The following DCAF13 variants were observed in gnomAD, a reference collection of about 807,000 sequenced individuals.
The protein encoded by DCAF13 is DDB1 and CUL4 associated factor 13.
A neutral mutation model predicts 59.0 loss-of-function variants in DCAF13; 38 were observed. The observed-to-expected ratio is 0.64, with a 90% CI of 0.50 to 0.84. The LOEUF (loss-of-function observed/expected upper bound fraction) is 0.84. Ranked by LOEUF, DCAF13 falls within the 40% of genes least tolerant of loss-of-function variation. The pLI, the probability that DCAF13 is intolerant of heterozygous loss-of-function variation, is 0.00. For missense variants in DCAF13, 469 were observed against 558.4 expected (o/e 0.84, Z 1.61); for synonymous variants, 173 against 175.0 (o/e 0.99, Z 0.09).
chr8:103,423,771 C>T (rs1009251590), intron 3 of DCAF13, among the ~76,000 whole-genome samples: 1 of 152,132 alleles, frequency 6.6e-6, no homozygotes, highest in African/African-American at 2.4e-5. Context: ...CAATGTTGTA[C>T]ATCATAAATA....
At chr8:103,429,844 C>T (rs1351449403) in intron 5 of DCAF13, 1 of 152,098 alleles carries the variant, frequency 6.6e-6, no homozygotes, top group African/African-American at 2.4e-5. Context: ...TATACTGGTA[C>T]AGCTCTTTGG....
chr8:103,439,005 G>T (rs1816969490), intron 8 of DCAF13, among the ~76,000 whole-genome samples: 1 of 152,008 alleles, frequency 6.6e-6, no homozygotes, highest in South Asian at 2.1e-4. Flanking sequence ...TTTATTAAAT[G>T]ATTCTTTTTT....
At chr8:103,427,484 C>T (rs1816810385) in intron 5 of DCAF13, 3 of 490,034 alleles carry the variant, frequency 6.1e-6, no homozygotes, top group Non-Finnish European at 1.1e-5. Context: ...GTGGTGTGTG[C>T]ATTTGCCCAT....
chr8:103,431,597 G>A lies in DCAF13; in HGVS notation c.702+908G>A, dbSNP rs144637688. Among the ~76,000 whole-genome samples the A allele has an allele frequency of 9.5e-4, 144 of 152,170 alleles. 1 individual carries two copies. Among genetic ancestry groups the A allele is most frequent in the African/African-American group, 3.2e-3 (134 of 41,524 alleles). On this transcript the variant is annotated intron_variant, in intron 6 of 10. Transcript: ENST00000612750. Reference sequence around the variant, plus strand: ...AATGGGAAGATCCTATATGAACTTTGGTCTTAGACTTTTAAGCACGTTAAC... The same window carrying A: ...AATGGGAAGATCCTATATGAACTTTAGTCTTAGACTTTTAAGCACGTTAAC...
Position 103,442,824 on chromosome 8 carries a change from C to T in DCAF13, c.1280C>T (p.Pro427Leu). ...GTGAATCGTATTAAACACAGCAAGC[C>T]TGGATCTGTGCCACTTGTGTCAGAG... ...KEVNRIKHSK[P>L]GSVPLVSEKK... The change falls in exon 11 of 11, where the codon CCT becomes CTT. Residue 427 changes from proline (P) to leucine (L), a missense_variant. This residue lies in a region of DCAF13 where 84 missense variants were observed against 92.3 expected (regional missense o/e 0.91). Coordinates refer to ENST00000612750, the MANE Select transcript of DCAF13 (RefSeq NM_015420.7). 1 of 1,606,524 alleles carries T rather than the reference C, an allele frequency of 6.2e-7. No homozygotes were observed. The highest frequency in any genetic ancestry group is 8.5e-7 in the Non-Finnish European group (1 of 1,177,614).
At chr8:103,417,899 C>G (rs1315175584) in intron 1 of DCAF13, among the ~76,000 whole-genome samples, 1 of 152,026 alleles carries the variant, frequency 6.6e-6, no homozygotes, top group Non-Finnish European at 1.5e-5. Context: ...GCGGGAAGAT[C>G]ACGAGGTCAG....
chr8:103,429,554 T>C (rs1051302862), intron 5 of DCAF13: 2 of 152,172 alleles, frequency 1.3e-5, no homozygotes, highest in African/African-American at 4.8e-5. Flanking sequence ...CACTGGATGA[T>C]AGAGGGCTTA....
intron 3 of DCAF13, chr8:103,421,344 A>G: frequency 1.8e-6 from 1 of 543,300 alleles, no homozygotes; most frequent in Non-Finnish European, 3.3e-6. Flanking sequence ...AGTTTGGCTT[A>G]CTCTGGAGGA....
At chr8:103,425,930 G>A (rs1816786590) in intron 3 of DCAF13, 126 bp from the exon 4 acceptor site, 4 of 688,482 alleles carry the variant, frequency 5.8e-6, no homozygotes, top group African/African-American at 1.8e-5. Context: ...GGATCAATAA[G>A]TGTAATACTG....
Position 103,425,020 on chromosome 8 carries a change from T to A in DCAF13, c.379-1036T>A, listed in dbSNP as rs115398259. 7.2e-3 allele frequency among the ~76,000 whole-genome samples: 1,091 copies of A among 152,328 alleles called. 21 individuals carry two copies. The highest frequency in any genetic ancestry group is 0.025 in the African/African-American group (1,027 of 41,568). On this transcript the variant is annotated intron_variant, in intron 3 of 10. Transcript: ENST00000612750. ...ATCTTAGTACCAAAACCTTTCCTGA[T>A]CACTTATCTGTTTTCATCTCATGGG...
At chr8:103,424,015 T>A (rs1055327377) in intron 3 of DCAF13, among the ~76,000 whole-genome samples, 1 of 151,912 alleles carries the variant, frequency 6.6e-6, no homozygotes, top group Non-Finnish European at 1.5e-5. Context: ...TCTCGGTTTT[T>A]CAAAAAGATT....
chr8:103,427,260 T>G lies in DCAF13; in HGVS notation c.624+8T>G. On this transcript the variant is annotated splice_region_variant and intron_variant, in intron 5 of 10. Coordinates refer to ENST00000612750, the MANE Select transcript of DCAF13 (RefSeq NM_015420.7). Reference sequence around the variant, plus strand: ...AAATTTAACCCAATTGAGGTAATGTTTTTTTTTAAGTATGTTTTACTTATT... The same window carrying G: ...AAATTTAACCCAATTGAGGTAATGTGTTTTTTTAAGTATGTTTTACTTATT... 1 of 1,605,724 alleles carries G rather than the reference T, an allele frequency of 6.2e-7. No homozygotes were observed. The highest frequency in any genetic ancestry group is 8.5e-7 in the Non-Finnish European group (1 of 1,174,810).
chr8:103,421,754 A>G (rs1277615742), intron 3 of DCAF13, among the ~76,000 whole-genome samples: 1 of 152,226 alleles, frequency 6.6e-6, no homozygotes, highest in African/African-American at 2.4e-5. Context: ...TTTACTTAAC[A>G]TAATTGTCTT....
At chr8:103,417,815 C>G (rs73287948) in intron 1 of DCAF13, among the ~76,000 whole-genome samples, 147 of 151,546 alleles carry the variant, frequency 9.7e-4, no homozygotes, top group African/African-American at 3.2e-3. Flanking sequence ...ATGTAAAAAG[C>G]TGTTTTAAGA....
chr8:103,430,849 G>T (rs1654846731), intron 6 of DCAF13, among the ~76,000 whole-genome samples, 160 bp downstream of exon 6: 1 of 152,050 alleles, frequency 6.6e-6, no homozygotes, highest in Non-Finnish European at 1.5e-5. Flanking sequence ...TGTTCTTTCA[G>T]CTCCCTATTG....
chr8:103,418,862 A>T (rs76028359), intron 1 of DCAF13, among the ~76,000 whole-genome samples: 215 of 21,216 alleles, frequency 0.01, 2 homozygotes, highest in South Asian at 0.021. Context: ...ATATATATAT[A>T]TATATTTTTT....
chr8:103,438,321 CCT>C (rs1284329755), intron 8 of DCAF13, among the ~76,000 whole-genome samples: 1 of 152,046 alleles, frequency 6.6e-6, no homozygotes, highest in Non-Finnish European at 1.5e-5. Context: ...TTAATCATCC[CCT>C]CTCTTTTAAA....
intron 2 of DCAF13, 21 bp from the exon 3 acceptor site, chr8:103,420,954 T>C (rs1002958303): frequency 2.1e-6 from 3 of 1,442,980 alleles, no homozygotes; most frequent in African/African-American, 2.8e-5. Context: ...CACTGAAATT[T>C]CCTGGTATGC....
Position 103,442,893 on chromosome 8 carries a change from TA to T in DCAF13, c.*13del. 1 of 1,549,580 alleles carries T rather than the reference TA, an allele frequency of 6.5e-7. No homozygotes were observed. The highest frequency in any genetic ancestry group is 8.8e-7 in the Non-Finnish European group (1 of 1,133,934). ...GCAGTTGTAAAATAATTGGTATTCC[TA>T]ACAATCCTGATGTATAATTATTTGT... is the stretch of plus-strand genomic sequence containing the variant. On this transcript the variant is annotated 3_prime_UTR_variant, in exon 11 of 11. Transcript: ENST00000612750.
Sources: allele counts gnomAD v4.1 joint callset (sites outside exome capture counted in the v4.1 genomes callset), GRCh38; gene constraint gnomAD v4.1.1; regional missense constraint gnomAD v4.1.1; transcripts MANE v1.5; gene names NCBI Gene and HGNC (gene_info 2026-07-23, HGNC 2026-07-21).